LRP6: variants seen among roughly 807,000 people sequenced by gnomAD.
LRP6 encodes LDL receptor related protein 6, also known as low-density lipoprotein receptor-related protein 6.
In LRP6, 43 loss-of-function variants were observed where a neutral mutation model predicts 184.1. The ratio of observed to expected loss-of-function variants is 0.23; its 90% CI spans 0.18 to 0.30. The LOEUF (loss-of-function observed/expected upper bound fraction) is 0.30, where lower values mean the gene tolerates loss of function less well. Ranked by LOEUF, LRP6 falls within the 10% of genes least tolerant of loss-of-function variation. The probability of loss-of-function intolerance (pLI) is 1.00; values close to 1 mark genes in which losing one functional copy is unlikely to be tolerated. For missense variants in LRP6, 1,571 were observed against 2,005.3 expected (o/e 0.78, Z 4.14); for synonymous variants, 719 against 684.9 (o/e 1.05, Z -0.78).
chr12:12,147,419 T>C lies in LRP6; in HGVS notation c.3344A>G (p.Lys1115Arg), dbSNP rs774000955. The change falls in exon 15 of 23, where the codon AAG becomes AGG. Residue 1115 changes from lysine (K) to arginine (R), a missense_variant. By Grantham distance (26) the Lys-to-Arg change is conservative. Coordinates refer to ENST00000261349, the MANE Select transcript of LRP6 (RefSeq NM_002336.3). ...IALALDSRLG[K>R]LFWADSDLRR... is the part of the protein sequence containing the mutation. ...GAGATCTGAATCAGCCCAAAAGAGC[T>C]TGCCCAGCCTGCTATCAAGGGCTAA... 26 of 1,614,146 alleles carry C rather than the reference T, an allele frequency of 1.6e-5. No individual in the cohort carries two copies. In the East Asian group the frequency reaches 4.0e-4, roughly 25 times the overall value.
intron 1 of LRP6, among the ~76,000 whole-genome samples, chr12:12,253,694 A>G (rs1398772013): frequency 1.3e-5 from 2 of 151,440 alleles, no homozygotes; most frequent in African/African-American, 4.9e-5. Flanking sequence ...CGTCCTTGCA[A>G]TAGGAGATCT....
chr12:12,120,545 T>C lies in LRP6; in HGVS notation c.*581A>G, dbSNP rs985629689. 2.6e-5 allele frequency: 4 copies of C among 152,284 alleles called. No individual in the cohort carries two copies. The highest frequency in any genetic ancestry group is 9.7e-5 in the African/African-American group (4 of 41,448). The allele number at this position is 152,284 out of a possible 1,614,324, so 9.4% of individuals were successfully genotyped here. On this transcript the variant is annotated 3_prime_UTR_variant, in exon 23 of 23. Transcript: ENST00000261349. ...AACACCCAGAATGGGTTTTTAGAAA[T>C]ATCTACTTTCCTCACTAGCACTGTT...
At chr12:12,167,417 G>T (rs1478340336) in intron 7 of LRP6, among the ~76,000 whole-genome samples, 2 of 152,158 alleles carry the variant, frequency 1.3e-5, no homozygotes, top group Admixed American at 6.5e-5. Flanking sequence ...GCCGAGACGG[G>T]TGGGTCACGA....
At chr12:12,262,544 C>T (rs552326962) in intron 1 of LRP6, among the ~76,000 whole-genome samples, 22 of 143,974 alleles carry the variant, frequency 1.5e-4, no homozygotes, top group Non-Finnish European at 3.3e-4. Flanking sequence ...AGCGACAGAG[C>T]GAGACTCCGT....
intron 2 of LRP6, among the ~76,000 whole-genome samples, chr12:12,206,460 G>A (rs1329171156): frequency 6.6e-6 from 1 of 151,574 alleles, no homozygotes; most frequent in African/African-American, 2.4e-5. Context: ...GGAGAATGGC[G>A]TGAACCCGGG....
intron 3 of LRP6, among the ~76,000 whole-genome samples, chr12:12,193,177 A>G (rs1203482405): frequency 2.0e-5 from 3 of 151,980 alleles, no homozygotes; most frequent in Non-Finnish European, 4.4e-5. Context: ...AGAAATTACA[A>G]TAAAAGTTTT....
Position 12,149,043 on chromosome 12 carries a change from G to C in LRP6, c.3105C>G (p.Thr1035=). Residue 1035 remains threonine, a synonymous_variant, in exon 14 of 23, where the codon ACC becomes ACG. Transcript: ENST00000261349. The stretch of plus-strand genomic sequence containing the variant: ...CTAATCTTGTCACATTAATGACATT[G>C]GTAGCCTCACAAGTCCAGTAGATGT... ...SRYIYWTCEA[T]NVINVTRLDG... 6.2e-7 allele frequency: 1 copy of C among 1,613,848 alleles called. No individual in the cohort carries two copies. The highest frequency in any genetic ancestry group is 8.5e-7 in the Non-Finnish European group (1 of 1,179,824).
rs1220529020 is a variant in LRP6 at position 12,121,426 on chromosome 12, A to T, written c.4548-6T>A. 3 of 1,613,678 alleles carry T rather than the reference A, an allele frequency of 1.9e-6. No homozygotes were observed. Among genetic ancestry groups the T allele is most frequent in the Middle Eastern group, 1.7e-4 (1 of 6,058 alleles). ...GGTAGCTATATGGCCTGTAGCTGGT[A>T]TAGGGAGAAAATAAAGAGAAGCAGT... On this transcript the variant is annotated splice_region_variant and splice_polypyrimidine_tract_variant and intron_variant, in intron 22 of 22. Coordinates refer to ENST00000261349, the MANE Select transcript of LRP6 (RefSeq NM_002336.3).
chr12:12,168,642 T>A (rs909181726), intron 7 of LRP6, among the ~76,000 whole-genome samples: 1 of 152,202 alleles, frequency 6.6e-6, no homozygotes, highest in African/African-American at 2.4e-5. Flanking sequence ...TTTATCTCTG[T>A]CACCCTGTTC....
intron 2 of LRP6, among the ~76,000 whole-genome samples, chr12:12,231,677 A>G (rs1348857987): frequency 6.6e-6 from 1 of 151,812 alleles, no homozygotes; most frequent in East Asian, 1.9e-4. Context: ...TCAGCCCAGG[A>G]AACGGTTTTT....
At chr12:12,129,236 G>A (rs1472360133) in intron 19 of LRP6, among the ~76,000 whole-genome samples, 1 of 152,074 alleles carries the variant, frequency 6.6e-6, no homozygotes, top group African/African-American at 2.4e-5. Context: ...CCAACCCACT[G>A]GCTTTACAAC....
chr12:12,154,401 C>T (rs1311057842), intron 12 of LRP6, among the ~76,000 whole-genome samples: 4 of 152,158 alleles, frequency 2.6e-5, no homozygotes, highest in Non-Finnish European at 5.9e-5. Flanking sequence ...CTTTATATTT[C>T]TTCATTATAC....
Position 12,181,072 on chromosome 12 carries a change from G to T in LRP6, c.1344C>A (p.Pro448=), listed in dbSNP as rs10082834. The T allele has an allele frequency of 1.2e-6, 2 of 1,613,982 alleles. No homozygotes were observed. Among genetic ancestry groups the T allele is most frequent in the South Asian group, 1.1e-5 (1 of 91,070 alleles). Residue 448 remains proline, a synonymous_variant, in exon 6 of 23, where the codon CCC becomes CCA. Coordinates refer to ENST00000261349, the MANE Select transcript of LRP6 (RefSeq NM_002336.3). The part of the protein sequence containing the change: ...KILISEDLEE[P]RAIVLDPMVG... ...CCATGGGATCTAACACAATAGCCCG[G>T]GGTTCCTCTAAGTCCTCTGAAATCA...
chr12:12,138,872 G>A, intron 15 of LRP6: 1 of 1,375,842 alleles, frequency 7.3e-7, no homozygotes. Flanking sequence ...CAGTGGTGGT[G>A]GACCCAGAGT....
chr12:12,177,776 G>A (rs1332473536), intron 7 of LRP6, among the ~76,000 whole-genome samples: 1 of 152,018 alleles, frequency 6.6e-6, no homozygotes, highest in African/African-American at 2.4e-5. Context: ...TCTATAAAAA[G>A]GGGACAAAAA....
chr12:12,219,485 G>A (rs925351221), intron 2 of LRP6, among the ~76,000 whole-genome samples: 17 of 152,242 alleles, frequency 1.1e-4, no homozygotes, highest in Middle Eastern at 3.4e-3. Flanking sequence ...TTACAGGCGT[G>A]AGCCACCCCA....
At chr12:12,264,324 C>T (rs1432003384) in intron 1 of LRP6, among the ~76,000 whole-genome samples, 1 of 152,126 alleles carries the variant, frequency 6.6e-6, no homozygotes, top group Non-Finnish European at 1.5e-5. Context: ...ATCCACACTA[C>T]CAGTAAAGAA....
chr12:12,212,803 A>G (rs889898643), intron 2 of LRP6, among the ~76,000 whole-genome samples: 18 of 152,160 alleles, frequency 1.2e-4, no homozygotes, highest in African/African-American at 4.3e-4. Flanking sequence ...GAGAACTTCA[A>G]CTACCTTTCT....
intron 4 of LRP6, 123 bp from the exon 5 acceptor site, chr12:12,184,234 T>C (rs1863413844): frequency 2.6e-6 from 2 of 767,676 alleles, no homozygotes; most frequent in Non-Finnish European, 4.6e-6. Flanking sequence ...GGTGCTTGAC[T>C]ATCAAACCAT....
Sources: gnomAD v4.1 joint callset for allele counts (sites outside exome capture counted in the v4.1 genomes callset) on GRCh38, gnomAD v4.1.1 for gene constraint, MANE v1.5 for transcripts, NCBI Gene and HGNC (gene_info 2026-07-23, HGNC 2026-07-21) for gene names.